Variants in RUSC2 observed in about 807,000 individuals in gnomAD.
RUSC2 encodes the protein RUN and SH3 domain containing 2, also known as AP-4 complex accessory subunit RUSC2.
A neutral mutation model predicts 122.2 loss-of-function variants in RUSC2; 34 were observed. The observed-to-expected ratio is 0.28, with a 90% CI of 0.21 to 0.37. RUSC2 has a LOEUF of 0.37. Among genes scored for constraint, RUSC2 ranks in the 10% least tolerant of loss-of-function variants. The pLI, the probability that RUSC2 is intolerant of heterozygous loss-of-function variation, is 1.00. For synonymous variants in RUSC2, 784 were observed against 790.0 expected, an observed-to-expected ratio of 0.99 and a Z score of 0.13; for missense variants, 1,747 against 1,952.4, an observed-to-expected ratio of 0.89 and a Z score of 1.98.
In RUSC2 at chr9:35,561,171, G is replaced by A. The variant is rs1268813279; in HGVS notation, c.4350-10G>A. 2.5e-6 allele frequency: 4 copies of A among 1,613,780 alleles called. No individual in the cohort carries two copies. The highest frequency in any genetic ancestry group is 2.7e-5 in the African/African-American group (2 of 74,946). On this transcript the variant is annotated splice_polypyrimidine_tract_variant and intron_variant, in intron 11 of 11. Coordinates refer to ENST00000361226, the MANE Select transcript of RUSC2 (RefSeq NM_014806.5). ...GGGGTTTCTCTGACCTCCATGTGCT[G>A]TTTCCCCAGTGAGGTGCAGGCACTG...
chr9:35,517,575 T>C (rs1417850764), intron 1 of RUSC2, among the ~76,000 whole-genome samples: 8 of 152,224 alleles, frequency 5.3e-5, no homozygotes, highest in Non-Finnish European at 8.8e-5. Context: ...TTCTTTTGCT[T>C]ATGTATTTCT....
intron 1 of RUSC2, among the ~76,000 whole-genome samples, chr9:35,499,113 C>T (rs1820773850): frequency 6.6e-6 from 1 of 151,942 alleles, no homozygotes; most frequent in African/African-American, 2.4e-5. Flanking sequence ...ATGGTAAAAG[C>T]CCAGCTCTAC....
chr9:35,556,505 T>G (rs768581306), intron 5 of RUSC2, 57 bp downstream of exon 5: 175 of 1,032,554 alleles, frequency 1.7e-4, no homozygotes, highest in Non-Finnish European at 2.2e-4. Context: ...TCCTCACACT[T>G]GCCCTACTAC....
chr9:35,530,246 T>C (rs764485349), intron 1 of RUSC2, among the ~76,000 whole-genome samples: 7 of 152,132 alleles, frequency 4.6e-5, no homozygotes, highest in Admixed American at 1.3e-4. Flanking sequence ...CCACCCTACC[T>C]GGCCAGCCAT....
In RUSC2 at chr9:35,560,398, C is replaced by G; in HGVS notation, c.3758C>G (p.Ala1253Gly). 1.2e-6 allele frequency: 2 copies of G among 1,614,034 alleles called. No individual in the cohort carries two copies. Among genetic ancestry groups the G allele is most frequent in the Non-Finnish European group, 8.5e-7 (1 of 1,179,976 alleles). ...GAGGAGACAGAAGAGGTGGCAGAGGCAGCCGGGGGCTCAGGGCGTGCCAGG... is the reference window on the plus strand; with the variant it reads ...GAGGAGACAGAAGAGGTGGCAGAGGGAGCCGGGGGCTCAGGGCGTGCCAGG... The part of the protein sequence containing the change: ...EEEETEEVAE[A>G]AGGSGRARWA... Residue 1253 changes from alanine to glycine, a missense_variant, in exon 10 of 12, where the codon GCA (alanine) becomes GGA (glycine). Coordinates refer to ENST00000361226, the MANE Select transcript of RUSC2 (RefSeq NM_014806.5).
chr9:35,516,447 A>G (rs191036561), intron 1 of RUSC2, among the ~76,000 whole-genome samples: 1 of 152,202 alleles, frequency 6.6e-6, no homozygotes, highest in African/African-American at 2.4e-5. Context: ...GGGGAAAGAA[A>G]AAAAAAGGCC....
chr9:35,544,519 G>T (rs1343182171), intron 1 of RUSC2, among the ~76,000 whole-genome samples: 1 of 152,046 alleles, frequency 6.6e-6, no homozygotes, highest in East Asian at 1.9e-4. Context: ...TGTCGGCCAG[G>T]ATGGTCTCTG....
intron 2 of RUSC2, chr9:35,549,110 A>C (rs908609259): frequency 1.0e-6 from 1 of 985,078 alleles, no homozygotes; most frequent in Admixed American, 6.2e-5. Context: ...GAAATGAAGG[A>C]TTCAGAAGAC....
chr9:35,493,771 G>T (rs1587830523), intron 1 of RUSC2, among the ~76,000 whole-genome samples: 1 of 152,244 alleles, frequency 6.6e-6, no homozygotes, highest in East Asian at 1.9e-4. Context: ...CCAAAGTGCT[G>T]GGATTACAGG....
rs920540393 is a variant in RUSC2 at position 35,510,318 on chromosome 9, C to T, written c.-93+20146C>T. Among the ~76,000 whole-genome samples, 3 of 152,108 alleles carry T rather than the reference C, an allele frequency of 2.0e-5. No individual in the cohort carries two copies. The East Asian group carries it at 5.8e-4, about 29-fold the overall frequency. Reference sequence around the variant, plus strand: ...CTTGAGCCCGGGAGTTCAAGACCAGCTTTGCCAACATAGTGAGACCCCGTC... The same window carrying T: ...CTTGAGCCCGGGAGTTCAAGACCAGTTTTGCCAACATAGTGAGACCCCGTC... On this transcript the variant is annotated intron_variant, in intron 1 of 11. Coordinates refer to ENST00000361226, the MANE Select transcript of RUSC2 (RefSeq NM_014806.5).
chr9:35,549,777 A>T (rs551336131), intron 2 of RUSC2, among the ~76,000 whole-genome samples: 1 of 152,284 alleles, frequency 6.6e-6, no homozygotes, highest in East Asian at 1.9e-4. Flanking sequence ...CACAGGTGGA[A>T]CCACTGAAAA....
In RUSC2 at chr9:35,560,446, G is replaced by A. The variant is rs1390146525; in HGVS notation, c.3806G>A (p.Gly1269Asp). The A allele has an allele frequency of 1.9e-6, 3 of 1,614,218 alleles. No individual in the cohort carries two copies. Among genetic ancestry groups the A allele is most frequent in the Non-Finnish European group, 1.7e-6 (2 of 1,180,022 alleles). Reference protein sequence around the residue: ...RARWARGGQAGWWYQLMQSSQ... With the variant: ...RARWARGGQADWWYQLMQSSQ... ...AGGTGGGCCCGAGGTGGGCAGGCCG[G>A]CTGGTGGTACCAGCTCATGCAGAGC... is the stretch of plus-strand genomic sequence containing the variant. The change falls in exon 10 of 12, where the codon GGC becomes GAC. Residue 1269 changes from glycine to aspartate, a missense_variant. Physicochemically the swap from Gly to Asp is moderately conservative, Grantham distance 94. Coordinates refer to ENST00000361226, the MANE Select transcript of RUSC2 (RefSeq NM_014806.5).
At chr9:35,527,947 G>A (rs555214302) in intron 1 of RUSC2, among the ~76,000 whole-genome samples, 13 of 152,330 alleles carry the variant, frequency 8.5e-5, no homozygotes, top group African/African-American at 3.1e-4. Context: ...CTTGGCTGCA[G>A]TGATGCTCTG....
At chr9:35,559,697 T>C (rs910234436) in intron 9 of RUSC2, among the ~76,000 whole-genome samples, 6 of 152,178 alleles carry the variant, frequency 3.9e-5, no homozygotes, top group African/African-American at 1.2e-4. Context: ...ATCATGCCAC[T>C]GCACTCCAGC....
chr9:35,522,494 T>C lies in RUSC2; in HGVS notation c.-92-23936T>C, dbSNP rs1821234620. Among the ~76,000 whole-genome samples, 2 of 152,306 alleles carry C rather than the reference T, an allele frequency of 1.3e-5. 1 individual carries two copies. Among genetic ancestry groups the C allele is most frequent in the South Asian group, 4.1e-4 (2 of 4,830 alleles). On this transcript the variant is annotated intron_variant, in intron 1 of 11. Transcript: ENST00000361226. ...AAGCATTGCTCTAACCCTTACACCC[T>C]GAAACTTTCTTTTTGCTGTTCTGGC...
In RUSC2 at chr9:35,547,681, C is replaced by T. The variant is rs756522947; in HGVS notation, c.1160C>T (p.Ala387Val). 4 of 1,614,210 alleles carry T rather than the reference C, an allele frequency of 2.5e-6. No individual in the cohort carries two copies. The South Asian group carries it at 3.3e-5, about 13-fold the overall frequency. Residue 387 changes from alanine (A) to valine (V), a missense_variant, in exon 2 of 12, where the codon GCC becomes GTC. By Grantham distance (64) the Ala-to-Val change is moderately conservative. Coordinates refer to ENST00000361226, the MANE Select transcript of RUSC2 (RefSeq NM_014806.5). The surrounding 1 kb of genome is among the most constrained non-coding windows in gnomAD (Gnocchi z 4.6). ...CTCACAGCCTGCTTCCAAAGCCAGG[C>T]CCGTCTTGTTGTGGCCACACAAAAT... ...ADLTACFQSQARLVVATQNYY... is the reference protein window; with the variant it reads ...ADLTACFQSQVRLVVATQNYY...
At chr9:35,509,801 C>G (rs1820981074) in intron 1 of RUSC2, among the ~76,000 whole-genome samples, 1 of 152,152 alleles carries the variant, frequency 6.6e-6, no homozygotes. Flanking sequence ...ATACCAGTCC[C>G]TGTCCTAGAT....
chr9:35,496,138 C>T (rs1196412172), intron 1 of RUSC2, among the ~76,000 whole-genome samples: 1 of 152,102 alleles, frequency 6.6e-6, no homozygotes, highest in African/African-American at 2.4e-5. Context: ...TAGATCTAGA[C>T]AGAGTCCGAA....
intron 1 of RUSC2, among the ~76,000 whole-genome samples, chr9:35,525,101 G>A (rs1821299746): frequency 6.6e-6 from 1 of 152,202 alleles, no homozygotes; most frequent in Admixed American, 6.5e-5. Flanking sequence ...AGGTGGAACA[G>A]GCTGGCCTTT....
Sources: allele counts gnomAD v4.1 joint callset (sites outside exome capture counted in the v4.1 genomes callset), GRCh38; gene constraint gnomAD v4.1.1; non-coding constraint Gnocchi (gnomAD v3.1); transcripts MANE v1.5; gene names NCBI Gene and HGNC (gene_info 2026-07-23, HGNC 2026-07-21).